The following NELL1 variants were observed in gnomAD, a reference collection of about 807,000 sequenced individuals.
NELL1 encodes neural EGFL like 1.
In NELL1, 76 loss-of-function variants were observed where a neutral mutation model predicts 107.4. The observed-to-expected ratio is 0.71, with a 90% CI of 0.59 to 0.86. The LOEUF is 0.86. Ranked by LOEUF, NELL1 falls within the 40% of genes least tolerant of loss-of-function variation. NELL1 has a pLI of 0.00. For synonymous variants in NELL1, 353 were observed against 341.2 expected (o/e 1.03, Z -0.38); for missense variants, 1,024 against 1,005.5 (o/e 1.02, Z -0.25).
chr11:21,330,101 A>T (rs1850237397), intron 14 of NELL1, among the ~76,000 whole-genome samples: 1 of 151,806 alleles, frequency 6.6e-6, no homozygotes, highest in Admixed American at 6.6e-5. Flanking sequence ...TATTCTCCCT[A>T]CTTCAATATA....
intron 15 of NELL1, among the ~76,000 whole-genome samples, chr11:21,519,545 GTT>G (rs5790192): frequency 6.8e-6 from 1 of 147,078 alleles, no homozygotes; most frequent in Non-Finnish European, 1.5e-5. Context: ...TTTGTTTTTT[GTT>G]TTTTTTTTTA....
chr11:20,986,863 G>A lies in NELL1; in HGVS notation c.1300+26303G>A, dbSNP rs530507468. On this transcript the variant is annotated intron_variant, in intron 12 of 19. Coordinates refer to ENST00000357134, the MANE Select transcript of NELL1 (RefSeq NM_006157.5). The stretch of plus-strand genomic sequence containing the variant: ...TAGGGAATGCAGTTATCACCAGGTC[G>A]CTCCCCTACGTCAATTTTATAATCT... Among the ~76,000 whole-genome samples, 258 of 152,128 alleles carry A rather than the reference G, an allele frequency of 1.7e-3. 1 individual carries two copies. Among genetic ancestry groups the A allele is most frequent in the Non-Finnish European group, 3.1e-3 (213 of 68,020 alleles).
chr11:21,519,022 T>C (rs1023991399), intron 15 of NELL1, among the ~76,000 whole-genome samples: 4 of 152,184 alleles, frequency 2.6e-5, no homozygotes, highest in Admixed American at 6.5e-5. Context: ...TAGTTTGGTA[T>C]TTCTGTGATT....
chr11:21,460,667 C>A (rs1052041269), intron 15 of NELL1, among the ~76,000 whole-genome samples: 1 of 151,948 alleles, frequency 6.6e-6, no homozygotes, highest in African/African-American at 2.4e-5. Flanking sequence ...AATTCTTAGC[C>A]CTCCATGGTG....
intron 14 of NELL1, among the ~76,000 whole-genome samples, chr11:21,327,106 T>A (rs1179605983): frequency 6.8e-6 from 1 of 146,588 alleles, no homozygotes; most frequent in Non-Finnish European, 1.5e-5. Flanking sequence ...TATTTAATCA[T>A]AGAGGCAGTT....
intron 15 of NELL1, among the ~76,000 whole-genome samples, chr11:21,461,658 T>A (rs1853903510): frequency 6.6e-6 from 1 of 152,114 alleles, no homozygotes; most frequent in Non-Finnish European, 1.5e-5. Context: ...AGGCCAGTAT[T>A]ATCATCAACA....
intron 9 of NELL1, among the ~76,000 whole-genome samples, chr11:20,929,108 G>A (rs554260716): frequency 5.2e-4 from 79 of 152,238 alleles, no homozygotes; most frequent in African/African-American, 1.8e-3. Flanking sequence ...ATTAGCTTAC[G>A]AAAATCATGA....
intron 2 of NELL1, among the ~76,000 whole-genome samples, chr11:20,697,480 A>G (rs1854653931): frequency 6.6e-6 from 1 of 151,040 alleles, no homozygotes; most frequent in South Asian, 2.1e-4. Context: ...AATAGATAGT[A>G]TCTTTCAAGT....
At chr11:20,972,313 G>T (rs757142646) in intron 12 of NELL1, among the ~76,000 whole-genome samples, 1 of 152,180 alleles carries the variant, frequency 6.6e-6, no homozygotes, top group Non-Finnish European at 1.5e-5. Flanking sequence ...AGTTCAATAA[G>T]ATATAAGTAA....
intron 15 of NELL1, among the ~76,000 whole-genome samples, chr11:21,435,432 T>G (rs34451278): frequency 0.043 from 5,769 of 135,112 alleles, 168 homozygotes; most frequent in Middle Eastern, 0.093. Context: ...GCTTTTATTG[T>G]TTTTTGTTTT....
At chr11:21,223,100 T>C (rs1158827107) in intron 13 of NELL1, among the ~76,000 whole-genome samples, 1 of 152,146 alleles carries the variant, frequency 6.6e-6, no homozygotes, top group Non-Finnish European at 1.5e-5. Context: ...TTGTTGATGT[T>C]CTGTCTAGAT....
At chr11:21,361,016 T>TA (rs1412970663) in intron 14 of NELL1, among the ~76,000 whole-genome samples, 1 of 152,164 alleles carries the variant, frequency 6.6e-6, no homozygotes, top group Admixed American at 6.5e-5. Flanking sequence ...GGTGCCTTTA[T>TA]ACCTTGTTCT....
intron 5 of NELL1, among the ~76,000 whole-genome samples, chr11:20,891,751 A>G (rs1349459306): frequency 6.6e-5 from 10 of 152,138 alleles, no homozygotes; most frequent in African/African-American, 1.9e-4. Context: ...CGACAAAGAT[A>G]AAAAAAGACA....
intron 12 of NELL1, among the ~76,000 whole-genome samples, chr11:20,970,940 G>A (rs1165235025): frequency 2.0e-5 from 3 of 152,054 alleles, no homozygotes; most frequent in Non-Finnish European, 2.9e-5. Flanking sequence ...TTGTTGTCTC[G>A]ATGAATTTTC....
At chr11:21,026,281 GTCTCC>G (rs1852812101) in intron 12 of NELL1, among the ~76,000 whole-genome samples, 1 of 152,096 alleles carries the variant, frequency 6.6e-6, no homozygotes, top group Non-Finnish European at 1.5e-5. Flanking sequence ...CCCTGATCCT[GTCTCC>G]TCCTGATTCT....
At chr11:20,836,471 AT>A (rs1159275238) in intron 3 of NELL1, among the ~76,000 whole-genome samples, 1 of 152,150 alleles carries the variant, frequency 6.6e-6, no homozygotes, top group African/African-American at 2.4e-5. Context: ...TGATTTGAAA[AT>A]GTATTTTCAC....
chr11:21,289,019 G>C (rs1366194160), intron 14 of NELL1, among the ~76,000 whole-genome samples: 1 of 152,180 alleles, frequency 6.6e-6, no homozygotes, highest in African/African-American at 2.4e-5. Flanking sequence ...GTTGCTTAAT[G>C]CCCTTTCTAC....
intron 12 of NELL1, among the ~76,000 whole-genome samples, chr11:21,032,330 A>G (rs1852981762): frequency 6.6e-6 from 1 of 152,028 alleles, no homozygotes; most frequent in Admixed American, 6.6e-5. Context: ...ACTTACCTTA[A>G]CAAAATCTAA....
chr11:21,533,912 C>G (rs1856060918), intron 15 of NELL1, among the ~76,000 whole-genome samples: 2 of 152,198 alleles, frequency 1.3e-5, no homozygotes, highest in South Asian at 4.1e-4. Context: ...TATGACAAGT[C>G]TCTGGGGCTG....
Sources: gnomAD v4.1 joint callset for allele counts (sites outside exome capture counted in the v4.1 genomes callset) on GRCh38, gnomAD v4.1.1 for gene constraint, MANE v1.5 for transcripts, NCBI Gene and HGNC (gene_info 2026-07-23, HGNC 2026-07-21) for gene names.